The following TMEM132B variants were observed in gnomAD, a reference collection of about 807,000 sequenced individuals.
TMEM132B encodes transmembrane protein 132B.
A neutral mutation model predicts 90.8 loss-of-function variants in TMEM132B; 18 were observed. The ratio of observed to expected loss-of-function variants is 0.20; its 90% CI spans 0.14 to 0.29. The LOEUF (loss-of-function observed/expected upper bound fraction) is 0.29, where lower values mean the gene tolerates loss of function less well. Ranked by LOEUF, TMEM132B falls within the 10% of genes least tolerant of loss-of-function variation. The probability of loss-of-function intolerance (pLI) is 1.00; values close to 1 mark genes in which losing one functional copy is unlikely to be tolerated. For synonymous variants in TMEM132B, 504 were observed against 523.3 expected, an observed-to-expected ratio of 0.96 and a Z score of 0.50; for missense variants, 1,096 against 1,326.8, an observed-to-expected ratio of 0.83 and a Z score of 2.70.
chr12:125,281,516 C>T (rs2136131240), intron 1 of TMEM132B, among the ~76,000 whole-genome samples: 1 of 152,296 alleles, frequency 6.6e-6, no homozygotes, highest in East Asian at 1.9e-4. Flanking sequence ...CTTAAGTTCC[C>T]TTAGCCTCAA....
chr12:125,355,777 G>A (rs902719492), intron 2 of TMEM132B, among the ~76,000 whole-genome samples: 2 of 152,160 alleles, frequency 1.3e-5, no homozygotes, highest in African/African-American at 4.8e-5. Flanking sequence ...TGCTGAGATC[G>A]AATTTCAGAG....
At chr12:125,189,041 T>G (rs961655644) in intron 1 of TMEM132B, among the ~76,000 whole-genome samples, 7 of 152,096 alleles carry the variant, frequency 4.6e-5, no homozygotes, top group African/African-American at 1.4e-4. Flanking sequence ...CTGGAAGAGT[T>G]CAGAGGCAAA....
At chr12:125,273,570 G>C (rs756070202) in intron 1 of TMEM132B, among the ~76,000 whole-genome samples, 32 of 152,224 alleles carry the variant, frequency 2.1e-4, no homozygotes, top group Non-Finnish European at 4.6e-4. Flanking sequence ...CTTGGTGACA[G>C]AGTGAGACCC....
At chr12:125,360,926 C>T (rs1228964644) in intron 2 of TMEM132B, among the ~76,000 whole-genome samples, 1 of 152,006 alleles carries the variant, frequency 6.6e-6, no homozygotes, top group African/African-American at 2.4e-5. Context: ...TTGCACATGT[C>T]ACTCCACCTC....
At chr12:125,528,470 C>A (rs1366683876) in intron 4 of TMEM132B, among the ~76,000 whole-genome samples, 1 of 152,188 alleles carries the variant, frequency 6.6e-6, no homozygotes, top group African/African-American at 2.4e-5. Flanking sequence ...GGCCTGAAAC[C>A]TTACAACAAG....
chr12:125,608,250 GTTA>G (rs1885743341), intron 5 of TMEM132B, among the ~76,000 whole-genome samples: 1 of 152,152 alleles, frequency 6.6e-6, no homozygotes, highest in African/African-American at 2.4e-5. Flanking sequence ...CTCTCCAAAA[GTTA>G]TTATCTTTTT....
At chr12:125,293,408 A>G (rs1430687342) in intron 1 of TMEM132B, among the ~76,000 whole-genome samples, 2 of 151,514 alleles carry the variant, frequency 1.3e-5, no homozygotes, top group Non-Finnish European at 3.0e-5. Context: ...CCCAGGTTCT[A>G]AGCATAATAC....
rs1386219808 is a variant in TMEM132B, at chr12:125,613,142, TA to T, written c.1437+29151del. Reference sequence around the variant, plus strand: ...ATCATATATATTTATATATTATATATAAATATATATCATATATATTTATATA... The same window carrying T: ...ATCATATATATTTATATATTATATATAATATATATCATATATATTTATATA... On this transcript the variant is annotated intron_variant, in intron 5 of 8. Transcript: ENST00000682704. Among the ~76,000 whole-genome samples, 7 of 25,352 alleles carry T rather than the reference TA, an allele frequency of 2.8e-4. 1 individual carries two copies. The highest frequency in any genetic ancestry group is 1.1e-3 in the African/African-American group (6 of 5,456). 16.6% of individuals were successfully genotyped at this position (25,352 alleles called of 152,430 possible).
At chr12:125,382,195 C>A (rs184921) in intron 2 of TMEM132B, among the ~76,000 whole-genome samples, 96,118 of 152,084 alleles carry the variant, frequency 0.63, 31,244 homozygotes, top group East Asian at 0.95. Context: ...AAATATAAAT[C>A]ATTTCCATGG....
chr12:125,288,320 G>A lies in TMEM132B; in HGVS notation c.68-61132G>A, dbSNP rs1050778875. 1.1e-4 allele frequency among the ~76,000 whole-genome samples: 16 copies of A among 151,792 alleles called. No individual in the cohort carries two copies. The East Asian group carries it at 2.2e-3, about 21-fold the overall frequency. On this transcript the variant is annotated intron_variant, in intron 1 of 8. Transcript: ENST00000682704. ...TCTACTAAAAATACAAAAATTAGCC[G>A]GGTGTGGTGGTGCACGCCTGTAATT...
chr12:125,629,213 G>A (rs901715307), intron 5 of TMEM132B, among the ~76,000 whole-genome samples: 2 of 151,850 alleles, frequency 1.3e-5, no homozygotes, highest in African/African-American at 4.8e-5. Context: ...GATAGGGATT[G>A]CATTTAATCT....
chr12:125,551,529 T>C (rs1208900947), intron 4 of TMEM132B, among the ~76,000 whole-genome samples: 2 of 151,840 alleles, frequency 1.3e-5, no homozygotes, highest in South Asian at 4.1e-4. Context: ...ATAAAAATAA[T>C]CTATTGCCTA....
At chr12:125,261,409 G>A (rs901689299) in intron 1 of TMEM132B, among the ~76,000 whole-genome samples, 2 of 152,058 alleles carry the variant, frequency 1.3e-5, no homozygotes, top group Non-Finnish European at 2.9e-5. Context: ...GGTGGTCTTC[G>A]TTGCTCTAAT....
At chr12:125,420,216 C>T (rs931938941) in intron 3 of TMEM132B, among the ~76,000 whole-genome samples, 3 of 152,236 alleles carry the variant, frequency 2.0e-5, no homozygotes. Flanking sequence ...TGGGGGCTTC[C>T]ATCCCACATT....
At chr12:125,587,425 TA>T (rs1885207651) in intron 5 of TMEM132B, 1 of 152,110 alleles carries the variant, frequency 6.6e-6, no homozygotes, top group South Asian at 2.1e-4. Context: ...AGGGTCTGCA[TA>T]GTTTAAAAAT....
intron 3 of TMEM132B, among the ~76,000 whole-genome samples, chr12:125,442,135 A>G (rs1028487706): frequency 2.6e-5 from 4 of 152,270 alleles, no homozygotes; most frequent in Non-Finnish European, 5.9e-5. Context: ...CCAGAGGCCT[A>G]GGCCATGATT....
chr12:125,343,062 G>C (rs1877241194), intron 1 of TMEM132B, among the ~76,000 whole-genome samples: 1 of 152,104 alleles, frequency 6.6e-6, no homozygotes, highest in Non-Finnish European at 1.5e-5. Flanking sequence ...TACAATAAAG[G>C]GATACAGCTG....
At chr12:125,482,195 C>A (rs1171315130) in intron 3 of TMEM132B, among the ~76,000 whole-genome samples, 1 of 152,174 alleles carries the variant, frequency 6.6e-6, no homozygotes, top group African/African-American at 2.4e-5. Context: ...TAGGCATGGA[C>A]AAGGACTTCA....
chr12:125,199,130 G>A (rs949639954), intron 1 of TMEM132B, among the ~76,000 whole-genome samples: 1 of 152,210 alleles, frequency 6.6e-6, no homozygotes, highest in Non-Finnish European at 1.5e-5. Flanking sequence ...ATGGAGTTTG[G>A]CTCTTAATCA....
Sources: gnomAD v4.1 joint callset for allele counts (sites outside exome capture counted in the v4.1 genomes callset) on GRCh38, gnomAD v4.1.1 for gene constraint, MANE v1.5 for transcripts, NCBI Gene and HGNC (gene_info 2026-07-23, HGNC 2026-07-21) for gene names.